Variants in COL4A1 observed in about 807,000 individuals in gnomAD.
COL4A1 encodes the protein collagen type IV alpha 1 chain, also known as collagen alpha-1(IV) chain.
COL4A1 carries 40 observed loss-of-function variants against 216.6 expected under a neutral mutation model. That is an observed-to-expected ratio of 0.18 (90% CI 0.14 to 0.24). The LOEUF (loss-of-function observed/expected upper bound fraction) is 0.24. Ranked by LOEUF, COL4A1 falls within the 10% of genes least tolerant of loss-of-function variation. COL4A1 has a pLI of 1.00. For missense variants in COL4A1, 1,628 were observed against 2,196.8 expected (o/e 0.74, Z 5.18); for synonymous variants, 839 against 810.7 (o/e 1.03, Z -0.59).
At chr13:110,251,340 C>T (rs1259652249) in intron 1 of COL4A1, among the ~76,000 whole-genome samples, 1 of 152,242 alleles carries the variant, frequency 6.6e-6, no homozygotes, top group South Asian at 2.1e-4. Context: ...GGCCCCATGC[C>T]CAAGACTAGG....
rs555672323 is a variant in COL4A1 at position 110,268,203 on chromosome 13, G to A, written c.85-25469C>T. On this transcript the variant is annotated intron_variant, in intron 1 of 51. Coordinates refer to ENST00000375820, the MANE Select transcript of COL4A1 (RefSeq NM_001845.6). This position sits in a 1 kb window ranked among gnomAD's most constrained non-coding sequence, Gnocchi z 4.1. ...AGGTTCAGCAGGGCCGATGCCAACTGTGTCCTGCCTCAGAGCACCGGCACT... is the reference window on the plus strand; with the variant it reads ...AGGTTCAGCAGGGCCGATGCCAACTATGTCCTGCCTCAGAGCACCGGCACT... Among the ~76,000 whole-genome samples the A allele has an allele frequency of 6.6e-6, 1 of 152,220 alleles. No individual in the cohort carries two copies. Among genetic ancestry groups the A allele is most frequent in the South Asian group, 2.1e-4 (1 of 4,826 alleles).
intron 41 of COL4A1, among the ~76,000 whole-genome samples, chr13:110,171,288 A>G (rs544013414): frequency 6.6e-6 from 1 of 152,230 alleles, no homozygotes; most frequent in South Asian, 2.1e-4. Flanking sequence ...CAGAAGGCAG[A>G]TGGACGGTTG....
chr13:110,228,904 A>G (rs189749502), intron 2 of COL4A1, among the ~76,000 whole-genome samples: 1 of 152,354 alleles, frequency 6.6e-6, no homozygotes, highest in Admixed American at 6.5e-5. Flanking sequence ...AACCACAGAC[A>G]GTGAGGAAAA....
intron 1 of COL4A1, among the ~76,000 whole-genome samples, chr13:110,287,287 C>G (rs1883881219): frequency 6.6e-6 from 1 of 152,188 alleles, no homozygotes; most frequent in Non-Finnish European, 1.5e-5. Flanking sequence ...AGGGGCAAGC[C>G]AGACAGCCTG....
At chr13:110,243,157 G>A (rs183409120) in intron 1 of COL4A1, among the ~76,000 whole-genome samples, 29 of 151,728 alleles carry the variant, frequency 1.9e-4, no homozygotes, top group Admixed American at 1.8e-3. Flanking sequence ...TCCCAATGAC[G>A]TGGTCTCAAG....
At chr13:110,292,012 C>T (rs1884109174) in intron 1 of COL4A1, among the ~76,000 whole-genome samples, 1 of 152,156 alleles carries the variant, frequency 6.6e-6, no homozygotes, top group African/African-American at 2.4e-5. Flanking sequence ...AGATTCATGC[C>T]AAACATTTGA....
intron 25 of COL4A1, 147 bp from the exon 26 acceptor site, chr13:110,186,700 C>T (rs1367496604): frequency 7.1e-6 from 7 of 992,556 alleles, no homozygotes; most frequent in South Asian, 1.7e-5. Flanking sequence ...CCCAGGAGGG[C>T]CACCTTGTAG....
rs574459415 is a variant in COL4A1, at chr13:110,234,511, G to A, written c.144+8164C>T. On this transcript the variant is annotated intron_variant, in intron 2 of 51. Transcript: ENST00000375820. ...GCGTGAGAATCACTTGAACCCAGGAGATGGAGGTTGCAGTGAGCCGAGATC... is the reference window on the plus strand; with the variant it reads ...GCGTGAGAATCACTTGAACCCAGGAAATGGAGGTTGCAGTGAGCCGAGATC... Among the ~76,000 whole-genome samples, 3 of 152,242 alleles carry A rather than the reference G, an allele frequency of 2.0e-5. No individual in the cohort carries two copies. The South Asian group carries it at 6.2e-4, about 32-fold the overall frequency.
At position 110,209,280 on chromosome 13, in the gene COL4A1, T is replaced by C. The variant is rs1879659856; in HGVS notation, c.651+112A>G. ...CTTAAAGGTATAGTTAGATATAGTG[T>C]TAATTTTCCAACTTTTTTTTAGAGA... On this transcript the variant is annotated intron_variant, in intron 11 of 51. Coordinates refer to ENST00000375820, the MANE Select transcript of COL4A1 (RefSeq NM_001845.6). The C allele has an allele frequency of 1.7e-5, 16 of 922,052 alleles. No homozygotes were observed. In the East Asian group the frequency reaches 3.8e-4, roughly 22 times the overall value. 57.1% of individuals were successfully genotyped at this position (922,052 alleles called of 1,614,324 possible). A position where few individuals can be genotyped will look rare whatever the true frequency, so the allele number is the denominator to read the frequency against.
chr13:110,203,689 G>T (rs1043917055), intron 17 of COL4A1, 82 bp from the exon 18 acceptor site: 1 of 1,412,694 alleles, frequency 7.1e-7, no homozygotes, highest in Non-Finnish European at 1.0e-6. Context: ...ATTTCTTCTG[G>T]TAAAATAGAG....
At chr13:110,214,067 A>T (rs769026381) in intron 2 of COL4A1, 52 bp from the exon 3 acceptor site, 10 of 1,493,470 alleles carry the variant, frequency 6.7e-6, no homozygotes, top group Non-Finnish European at 9.3e-6. Context: ...AGAACAGAGG[A>T]AGGAATTGGT....
intron 46 of COL4A1, among the ~76,000 whole-genome samples, chr13:110,164,427 G>A (rs1477533518): frequency 6.6e-6 from 1 of 152,166 alleles, no homozygotes; most frequent in East Asian, 1.9e-4. Context: ...ATAAGCAGAA[G>A]ACTATGTTAG....
At chr13:110,252,507 GTATTATATATACGTATAATTATACGTA>G (rs1882140689) in intron 1 of COL4A1, among the ~76,000 whole-genome samples, 2 of 4,516 alleles carry the variant, frequency 4.4e-4, no homozygotes, top group African/African-American at 5.2e-4. Flanking sequence ...ACGTATATAT[GTATTATATATACGTATAATTATACGTA>G]TATATGTATT....
chr13:110,191,202 G>A (rs1321671878), intron 24 of COL4A1: 2 of 153,114 alleles, frequency 1.3e-5, no homozygotes, highest in Non-Finnish European at 2.9e-5. Flanking sequence ...AGCAGAAAAT[G>A]ATTGCTGAAT....
chr13:110,219,356 G>A (rs933003637), intron 2 of COL4A1, among the ~76,000 whole-genome samples: 2 of 152,150 alleles, frequency 1.3e-5, no homozygotes, highest in African/African-American at 4.8e-5. Context: ...GTTGCACTTA[G>A]CAGCTACATT....
At chr13:110,280,913 T>C (rs1249341311) in intron 1 of COL4A1, among the ~76,000 whole-genome samples, 1 of 152,202 alleles carries the variant, frequency 6.6e-6, no homozygotes, top group East Asian at 1.9e-4. Flanking sequence ...GTTCAATATA[T>C]GCAACTATCT....
At chr13:110,188,707 T>C (rs1016479404) in intron 24 of COL4A1, among the ~76,000 whole-genome samples, 6 of 151,814 alleles carry the variant, frequency 4.0e-5, no homozygotes, top group Non-Finnish European at 7.4e-5. Context: ...GGGGGAGAGG[T>C]GGGGCTTGAA....
chr13:110,181,575 G>A (rs533035792), intron 28 of COL4A1, among the ~76,000 whole-genome samples, 186 bp from the exon 29 acceptor site: 16 of 152,260 alleles, frequency 1.1e-4, no homozygotes, highest in African/African-American at 2.6e-4. Context: ...GGTCAGGTGC[G>A]TTGCTGTCTC....
intron 18 of COL4A1, among the ~76,000 whole-genome samples, chr13:110,201,979 C>T (rs1204605887): frequency 6.6e-6 from 1 of 152,140 alleles, no homozygotes; most frequent in African/African-American, 2.4e-5. Flanking sequence ...GAGACTCTGT[C>T]TCAAACAAAG....
Sources: allele counts gnomAD v4.1 joint callset (sites outside exome capture counted in the v4.1 genomes callset), GRCh38; gene constraint gnomAD v4.1.1; non-coding constraint Gnocchi (gnomAD v3.1); transcripts MANE v1.5; gene names NCBI Gene and HGNC (gene_info 2026-07-23, HGNC 2026-07-21).